Variants in DGKB observed in about 807,000 individuals in gnomAD.
The protein encoded by DGKB is diacylglycerol kinase beta, also known as 90 kDa diacylglycerol kinase.
Under a neutral mutation model 114.3 loss-of-function variants are expected in DGKB, and 67 were observed. The observed-to-expected ratio is 0.59, with a 90% CI of 0.48 to 0.72. DGKB has a LOEUF of 0.72. Ranked by LOEUF, DGKB falls within the 30% of genes least tolerant of loss-of-function variation. The pLI, the probability that DGKB is intolerant of heterozygous loss-of-function variation, is 0.00. For synonymous variants in DGKB, 398 were observed against 323.1 expected (o/e 1.23, Z -2.49); for missense variants, 907 against 975.2 (o/e 0.93, Z 0.93).
At chr7:14,832,354 G>A (rs1429499573) in intron 2 of DGKB, among the ~76,000 whole-genome samples, 2 of 151,924 alleles carry the variant, frequency 1.3e-5, no homozygotes, top group African/African-American at 4.8e-5. Context: ...TGTCCCCTGT[G>A]AACATGTCTT....
At chr7:14,863,232 G>T (rs1439607644) in intron 1 of DGKB, among the ~76,000 whole-genome samples, 1 of 151,306 alleles carries the variant, frequency 6.6e-6, no homozygotes, top group Non-Finnish European at 1.5e-5. Flanking sequence ...TGTGTGAATT[G>T]TCTCTTCAAA....
intron 21 of DGKB, among the ~76,000 whole-genome samples, chr7:14,470,977 C>A (rs986867783): frequency 6.6e-6 from 1 of 151,072 alleles, no homozygotes; most frequent in African/African-American, 2.4e-5. Flanking sequence ...TCTGTCACTA[C>A]TGAAATATTA....
intron 1 of DGKB, among the ~76,000 whole-genome samples, chr7:14,972,952 T>C (rs930823896): frequency 1.2e-4 from 19 of 152,168 alleles, no homozygotes; most frequent in African/African-American, 4.6e-4. Context: ...ATATATGGTC[T>C]AGGAAATCCA....
intron 20 of DGKB, among the ~76,000 whole-genome samples, chr7:14,501,815 T>A (rs549352318): frequency 8.6e-5 from 13 of 151,996 alleles, no homozygotes; most frequent in African/African-American, 3.1e-4. Context: ...GGTTTTTATT[T>A]CAAGATGAAC....
At chr7:14,805,503 T>C (rs1842682969) in intron 2 of DGKB, among the ~76,000 whole-genome samples, 1 of 152,116 alleles carries the variant, frequency 6.6e-6, no homozygotes, top group Non-Finnish European at 1.5e-5. Context: ...TGTCTCACTT[T>C]TCATGGTTTT....
intron 2 of DGKB, among the ~76,000 whole-genome samples, chr7:14,800,196 G>C (rs574317578): frequency 6.6e-6 from 1 of 152,182 alleles, no homozygotes; most frequent in African/African-American, 2.4e-5. Flanking sequence ...AATTACAGGC[G>C]TGAGCCACCG....
chr7:14,623,615 A>T (rs1239704788), intron 14 of DGKB, among the ~76,000 whole-genome samples: 1 of 152,166 alleles, frequency 6.6e-6, no homozygotes, highest in Non-Finnish European at 1.5e-5. Context: ...TTACCTTGCA[A>T]TTCCATGGTG....
chr7:14,760,750 A>T (rs1835564998), intron 2 of DGKB, among the ~76,000 whole-genome samples: 1 of 152,058 alleles, frequency 6.6e-6, no homozygotes, highest in South Asian at 2.1e-4. Flanking sequence ...CTGCCCCACA[A>T]CTTTAGAGAC....
At chr7:14,601,309 T>C (rs374568982) in intron 17 of DGKB, among the ~76,000 whole-genome samples, 1 of 152,012 alleles carries the variant, frequency 6.6e-6, no homozygotes, top group East Asian at 1.9e-4. Context: ...CTCTTTGAAG[T>C]CTTTCTGTCC....
intron 5 of DGKB, among the ~76,000 whole-genome samples, chr7:14,735,120 A>G (rs1831517716): frequency 6.6e-6 from 1 of 152,200 alleles, no homozygotes; most frequent in Admixed American, 6.5e-5. Flanking sequence ...CAACAAAAGC[A>G]CAATGAGCTC....
chr7:14,542,373 T>G (rs1397523914), intron 20 of DGKB, among the ~76,000 whole-genome samples: 1 of 152,070 alleles, frequency 6.6e-6, no homozygotes, highest in South Asian at 2.1e-4. Context: ...TATCTTCTGT[T>G]AAGCCACAAC....
intron 25 of DGKB, among the ~76,000 whole-genome samples, chr7:14,173,807 C>G (rs1288313203): frequency 6.6e-6 from 1 of 151,974 alleles, no homozygotes. Flanking sequence ...CAATAATGAG[C>G]CATAGTCTAC....
At chr7:14,386,570 T>C (rs930205442) in intron 21 of DGKB, among the ~76,000 whole-genome samples, 1 of 152,194 alleles carries the variant, frequency 6.6e-6, no homozygotes, top group Admixed American at 6.5e-5. Context: ...CTGAAATAGT[T>C]GCACAGATTT....
chr7:14,567,467 T>G (rs868467464), intron 20 of DGKB, among the ~76,000 whole-genome samples: 3 of 74,864 alleles, frequency 4.0e-5, no homozygotes, highest in African/African-American at 1.7e-4. Flanking sequence ...AATTATATAT[T>G]TATATATTAT....
Position 14,400,063 on chromosome 7 carries a change from C to T in DGKB, c.1836-54672G>A, listed in dbSNP as rs62444610. 5.3e-3 allele frequency among the ~76,000 whole-genome samples: 798 copies of T among 151,826 alleles called. 6 individuals carry two copies. Among genetic ancestry groups the T allele is most frequent in the Middle Eastern group, 0.017 (5 of 294 alleles). ...AAAAAAGCATTTGTATGCTGAAGTG[C>T]GTGTAAAAATAGTTACTAAAAATCC... On this transcript the variant is annotated intron_variant, in intron 21 of 25. Transcript: ENST00000402815.
In DGKB at chr7:14,924,874, G is replaced by A. The variant is rs888899085; in HGVS notation, c.-188+49822C>T. Among the ~76,000 whole-genome samples, 7 of 152,128 alleles carry A rather than the reference G, an allele frequency of 4.6e-5. No homozygotes were observed. In the East Asian group the frequency reaches 9.7e-4, roughly 21 times the overall value. On this transcript the variant is annotated intron_variant, in intron 1 of 4. Coordinates refer to the DGKB transcript ENST00000437998. ...TATTACATTTATATATACTTACGGG[G>A]ATTCCTCAGGTTGCCTTTTGATAAT...
chr7:14,943,704 T>G (rs1785701191), intron 1 of DGKB, among the ~76,000 whole-genome samples: 1 of 151,796 alleles, frequency 6.6e-6, no homozygotes, highest in Non-Finnish European at 1.5e-5. Flanking sequence ...CAAGAGCCGA[T>G]CATTAAATTT....
At chr7:14,191,683 C>CA in intron 23 of DGKB, 1 of 322,380 alleles carries the variant, frequency 3.1e-6, no homozygotes, top group Non-Finnish European at 6.4e-6. Flanking sequence ...TTCTGGGGGA[C>CA]AAAGGGGGCT....
rs565051100 is a variant in DGKB at position 14,724,218 on chromosome 7, A to G, written c.323-5533T>C. 5.3e-5 allele frequency among the ~76,000 whole-genome samples: 8 copies of G among 152,326 alleles called. No homozygotes were observed. In the East Asian group the frequency reaches 1.5e-3, roughly 29 times the overall value. ...ATCACATAGTATAATTATATTTCCAACATCCATACTATTGGTCATAATGAG... is the reference window on the plus strand; with the variant it reads ...ATCACATAGTATAATTATATTTCCAGCATCCATACTATTGGTCATAATGAG... On this transcript the variant is annotated intron_variant, in intron 5 of 25. Coordinates refer to ENST00000402815, the MANE Select transcript of DGKB (RefSeq NM_001350709.2).
Sources: allele counts gnomAD v4.1 joint callset (sites outside exome capture counted in the v4.1 genomes callset), GRCh38; gene constraint gnomAD v4.1.1; transcripts MANE v1.5; gene names NCBI Gene and HGNC (gene_info 2026-07-23, HGNC 2026-07-21).